The following TANK variants were observed in gnomAD, a reference collection of about 807,000 sequenced individuals.
The protein encoded by TANK is TRAF family member associated NFKB activator.
A neutral mutation model predicts 43.6 loss-of-function variants in TANK; 15 were observed. The ratio of observed to expected loss-of-function variants is 0.34; its 90% CI spans 0.23 to 0.53. The LOEUF (loss-of-function observed/expected upper bound fraction) is 0.53. Among genes scored for constraint, TANK ranks in the 20% least tolerant of loss-of-function variants. TANK has a pLI of 0.94. For missense variants in TANK, 417 were observed against 498.6 expected, an observed-to-expected ratio of 0.84 and a Z score of 1.56; for synonymous variants, 162 against 178.2, an observed-to-expected ratio of 0.91 and a Z score of 0.73.
At chr2:161,182,896 C>T (rs1685492981) in intron 2 of TANK, among the ~76,000 whole-genome samples, 1 of 152,122 alleles carries the variant, frequency 6.6e-6, no homozygotes, top group Non-Finnish European at 1.5e-5. Flanking sequence ...ATATTAGAGT[C>T]CTGTCTTCAG....
Position 161,203,543 on chromosome 2 carries a change from G to C in TANK, c.156G>C (p.Gln52His). The part of the protein sequence containing the change: ...REQQEQLSLQ[Q>H]TIIDKLKSQL... ...AACAGGAACAGCTGTCACTTCAACA[G>C]ACTATTATTGACAAGCTAAAATCTC... is the stretch of plus-strand genomic sequence containing the variant. The change falls in exon 3 of 8, where the codon CAG becomes CAC. Residue 52 changes from glutamine (Q) to histidine (H), a missense_variant. By Grantham distance (24) the Gln-to-His change is conservative. Coordinates refer to ENST00000392749, the MANE Select transcript of TANK (RefSeq NM_001199135.3). 1 of 1,612,426 alleles carries C rather than the reference G, an allele frequency of 6.2e-7. No homozygotes were observed. The highest frequency in any genetic ancestry group is 8.5e-7 in the Non-Finnish European group (1 of 1,179,432).
intron 2 of TANK, among the ~76,000 whole-genome samples, chr2:161,182,908 A>T (rs1685493817): frequency 2.6e-5 from 4 of 152,152 alleles, no homozygotes; most frequent in Admixed American, 2.6e-4. Context: ...TGTCTTCAGC[A>T]AGTGAGAGGA....
At chr2:161,197,047 G>T (rs983549243) in intron 2 of TANK, among the ~76,000 whole-genome samples, 1 of 152,138 alleles carries the variant, frequency 6.6e-6, no homozygotes, top group Non-Finnish European at 1.5e-5. Context: ...GTATACAGGA[G>T]TTCTGAAAGG....
At chr2:161,199,694 A>G (rs1686317298) in intron 2 of TANK, among the ~76,000 whole-genome samples, 1 of 152,160 alleles carries the variant, frequency 6.6e-6, no homozygotes, top group Non-Finnish European at 1.5e-5. Flanking sequence ...GATGTGTGCT[A>G]TATTTGATCA....
rs375718644 is a variant in TANK, at chr2:161,173,544, A to G, written c.-49-6070A>G. On this transcript the variant is annotated intron_variant, in intron 1 of 7. Coordinates refer to ENST00000392749, the MANE Select transcript of TANK (RefSeq NM_001199135.3). ...TTCTTCTTTTTAGGTAGAACTGTGA[A>G]TGAAATGCGTAAATCTCTAGTGAAC... Among the ~76,000 whole-genome samples, 4 of 152,270 alleles carry G rather than the reference A, an allele frequency of 2.6e-5. No homozygotes were observed. The South Asian group carries it at 8.3e-4, about 32-fold the overall frequency.
In TANK at chr2:161,179,736, C is replaced by G; in HGVS notation, c.74C>G (p.Ser25Cys). The change falls in exon 2 of 8, where the codon TCT (serine) becomes TGT (cysteine). Residue 25 changes from serine (S) to cysteine (C), a missense_variant. Transcript: ENST00000392749. ...AFRQACMDRD[S>C]AVKELQQKTE... is the part of the protein sequence containing the mutation. ...CGGCAGGCATGCATGGATAGAGATT[C>G]TGCAGTAAAAGAATTACAGCAAAAG... is the stretch of plus-strand genomic sequence containing the variant. 2 of 1,611,978 alleles carry G rather than the reference C, an allele frequency of 1.2e-6. No homozygotes were observed. Among genetic ancestry groups the G allele is most frequent in the Non-Finnish European group, 1.7e-6 (2 of 1,178,900 alleles).
chr2:161,179,563 T>G (rs1207791460), intron 1 of TANK, 51 bp from the exon 2 acceptor site: 1 of 1,478,582 alleles, frequency 6.8e-7, no homozygotes, highest in African/African-American at 1.4e-5. Flanking sequence ...ATTTTTAAAA[T>G]GAGGTTTATG....
chr2:161,222,293 C>T (rs1328917601), intron 4 of TANK, among the ~76,000 whole-genome samples: 1 of 151,912 alleles, frequency 6.6e-6, no homozygotes, highest in Non-Finnish European at 1.5e-5. Context: ...TGCTCTGTCG[C>T]CCAGGCTGGA....
intron 1 of TANK, among the ~76,000 whole-genome samples, chr2:161,143,748 T>C (rs1375481877): frequency 6.6e-6 from 1 of 152,326 alleles, no homozygotes; most frequent in East Asian, 1.9e-4. Context: ...TGCACTGATG[T>C]TCATCACAGA....
At chr2:161,215,461 C>G (rs559375546) in intron 4 of TANK, among the ~76,000 whole-genome samples, 1 of 152,194 alleles carries the variant, frequency 6.6e-6, no homozygotes, top group South Asian at 2.1e-4. Context: ...CTAGAGCAGA[C>G]TCTGAATTTT....
intron 2 of TANK, 81 bp from the exon 3 acceptor site, chr2:161,203,406 C>A: frequency 1.1e-6 from 1 of 924,972 alleles, no homozygotes; most frequent in Non-Finnish European, 1.7e-6. Flanking sequence ...CAACTCATAT[C>A]TATTTATATT....
intron 2 of TANK, among the ~76,000 whole-genome samples, chr2:161,194,251 T>TTA (rs751141313): frequency 6.6e-5 from 10 of 152,024 alleles, no homozygotes; most frequent in Non-Finnish European, 8.8e-5. Flanking sequence ...AGATTCTTTG[T>TTA]ATTATGTAAT....
intron 2 of TANK, chr2:161,203,082 A>G (rs1181867867): frequency 1.3e-5 from 3 of 234,328 alleles, no homozygotes; most frequent in African/African-American, 7.1e-5. Context: ...GTTTATTTGA[A>G]AGACACAAAA....
chr2:161,216,660 A>G (rs536057787), intron 4 of TANK, among the ~76,000 whole-genome samples: 107 of 151,100 alleles, frequency 7.1e-4, no homozygotes, highest in Middle Eastern at 3.4e-3. Flanking sequence ...GCCTAACCTC[A>G]GTTTCTTGAG....
chr2:161,226,981 C>T (rs1240373336), intron 6 of TANK: 1 of 21,092 alleles, frequency 4.7e-5, no homozygotes, highest in African/African-American at 7.7e-5. Context: ...AAATATTTCC[C>T]ATTTTACTTT....
chr2:161,172,803 T>A (rs1422665589), intron 1 of TANK, among the ~76,000 whole-genome samples: 1 of 152,192 alleles, frequency 6.6e-6, no homozygotes, highest in African/African-American at 2.4e-5. Flanking sequence ...GCACATCCAG[T>A]CGGCCACCAA....
At chr2:161,148,356 C>A (rs1244867321) in intron 1 of TANK, among the ~76,000 whole-genome samples, 3 of 151,984 alleles carry the variant, frequency 2.0e-5, no homozygotes, top group African/African-American at 4.8e-5. Context: ...AAGTCAGTTA[C>A]CCACGTTTTA....
chr2:161,208,122 G>A (rs895209966), intron 4 of TANK: 2 of 974,482 alleles, frequency 2.1e-6, no homozygotes, highest in Admixed American at 6.2e-5. Flanking sequence ...TTTTGTTTAG[G>A]ATTTTGTTTT....
At chr2:161,147,371 A>G (rs1365170667) in intron 1 of TANK, among the ~76,000 whole-genome samples, 1 of 152,164 alleles carries the variant, frequency 6.6e-6, no homozygotes, top group Non-Finnish European at 1.5e-5. Context: ...GGAACTTAGC[A>G]GGCTTAAGCA....
Sources: allele counts gnomAD v4.1 joint callset (sites outside exome capture counted in the v4.1 genomes callset), GRCh38; gene constraint gnomAD v4.1.1; transcripts MANE v1.5; gene names NCBI Gene and HGNC (gene_info 2026-07-23, HGNC 2026-07-21).